Variants in GPC5 observed in about 807,000 individuals in gnomAD.
GPC5 encodes the protein glypican 5.
GPC5 carries 47 observed loss-of-function variants against 53.9 expected under a neutral mutation model. The observed-to-expected ratio is 0.87, with a 90% CI of 0.69 to 1.11. The LOEUF (loss-of-function observed/expected upper bound fraction) is 1.11. Among genes scored for constraint, GPC5 ranks in the 50% most tolerant of loss-of-function variants. The pLI is 0.00. For missense variants in GPC5, 748 were observed against 713.1 expected (o/e 1.05, Z -0.56); for synonymous variants, 286 against 263.3 (o/e 1.09, Z -0.84).
At chr13:92,174,287 C>T (rs887452013) in intron 7 of GPC5, among the ~76,000 whole-genome samples, 9 of 149,296 alleles carry the variant, frequency 6.0e-5, no homozygotes, top group African/African-American at 1.2e-4. Context: ...TTTGGGAGGC[C>T]GAGACAGGTG....
At chr13:91,791,941 C>G (rs1366796355) in intron 5 of GPC5, among the ~76,000 whole-genome samples, 1 of 152,130 alleles carries the variant, frequency 6.6e-6, no homozygotes, top group African/African-American at 2.4e-5. Flanking sequence ...TAATATGAAG[C>G]TTGATTCTAA....
intron 7 of GPC5, among the ~76,000 whole-genome samples, chr13:92,611,183 A>G (rs1884423481): frequency 6.6e-6 from 1 of 152,144 alleles, no homozygotes; most frequent in South Asian, 2.1e-4. Context: ...TAATTCTTAT[A>G]AACCAGGTAT....
intron 7 of GPC5, among the ~76,000 whole-genome samples, chr13:92,449,772 C>T (rs143571919): frequency 1.1e-3 from 163 of 150,562 alleles, no homozygotes; most frequent in Non-Finnish European, 2.0e-3. Flanking sequence ...ATAAACTTCA[C>T]ACAGATTCAT....
chr13:92,634,016 C>T (rs145583947), intron 7 of GPC5, among the ~76,000 whole-genome samples: 43 of 152,088 alleles, frequency 2.8e-4, no homozygotes, highest in African/African-American at 9.9e-4. Flanking sequence ...ATTTTGGTAT[C>T]TTTGGAGATA....
chr13:91,940,160 A>G lies in GPC5; in HGVS notation c.1401+32103A>G, dbSNP rs147871887. Among the ~76,000 whole-genome samples, 402 of 152,232 alleles carry G rather than the reference A, an allele frequency of 2.6e-3. 1 individual carries two copies. The highest frequency in any genetic ancestry group is 9.3e-3 in the African/African-American group (387 of 41,554). ...CTGGAAAATCCTAAGGAAAATCTCTAGTAGTCCATAGTGTCTATTGTTTCC... is the reference window on the plus strand; with the variant it reads ...CTGGAAAATCCTAAGGAAAATCTCTGGTAGTCCATAGTGTCTATTGTTTCC... On this transcript the variant is annotated intron_variant, in intron 6 of 7. Transcript: ENST00000377067.
At chr13:91,603,804 CATAG>C (rs1403323942) in intron 2 of GPC5, among the ~76,000 whole-genome samples, 2 of 152,000 alleles carry the variant, frequency 1.3e-5, no homozygotes, top group East Asian at 1.9e-4. Flanking sequence ...GATATAAATA[CATAG>C]ATAAAGATCT....
intron 7 of GPC5, among the ~76,000 whole-genome samples, chr13:92,385,557 C>T (rs1158369376): frequency 1.4e-5 from 2 of 142,980 alleles, no homozygotes; most frequent in African/African-American, 5.1e-5. Flanking sequence ...TACATATATG[C>T]ATATATACAT....
At chr13:92,831,153 T>C (rs1555316423) in intron 7 of GPC5, among the ~76,000 whole-genome samples, 1 of 152,164 alleles carries the variant, frequency 6.6e-6, no homozygotes, top group Non-Finnish European at 1.5e-5. Flanking sequence ...GTCGTATTCA[T>C]GGCTAGGCTT....
chr13:92,413,174 A>G (rs7333480), intron 7 of GPC5, among the ~76,000 whole-genome samples: 6,597 of 152,220 alleles, frequency 0.043, 200 homozygotes, highest in East Asian at 0.16. Flanking sequence ...AACCTTGATT[A>G]TATTTCACTC....
At chr13:91,724,380 T>C (rs769853578) in intron 3 of GPC5, among the ~76,000 whole-genome samples, 84 of 152,096 alleles carry the variant, frequency 5.5e-4, no homozygotes, top group Non-Finnish European at 1.3e-4. Flanking sequence ...TCCAAGGGAC[T>C]GTGAAGTGAG....
intron 6 of GPC5, among the ~76,000 whole-genome samples, chr13:91,974,393 C>A (rs1358536628): frequency 6.6e-6 from 1 of 152,082 alleles, no homozygotes; most frequent in African/African-American, 2.4e-5. Flanking sequence ...TCAAAATCTC[C>A]TTAAGCTGAT....
chr13:91,841,834 C>G (rs1187190972), intron 5 of GPC5, among the ~76,000 whole-genome samples: 1 of 152,248 alleles, frequency 6.6e-6, no homozygotes, highest in Non-Finnish European at 1.5e-5. Context: ...AGTCTTGGAG[C>G]ATATGGGCAG....
chr13:92,516,788 G>A (rs776702364), intron 7 of GPC5, among the ~76,000 whole-genome samples: 1 of 152,148 alleles, frequency 6.6e-6, no homozygotes, highest in Non-Finnish European at 1.5e-5. Context: ...ATTTCCAACT[G>A]AGGTACCAGG....
At chr13:91,464,099 G>A (rs1882094755) in intron 2 of GPC5, among the ~76,000 whole-genome samples, 1 of 152,042 alleles carries the variant, frequency 6.6e-6, no homozygotes, top group African/African-American at 2.4e-5. Flanking sequence ...TACAGAAGGG[G>A]TATGCAGATG....
chr13:92,346,267 A>C (rs974503872), intron 7 of GPC5, among the ~76,000 whole-genome samples: 1 of 152,166 alleles, frequency 6.6e-6, no homozygotes, highest in Non-Finnish European at 1.5e-5. Context: ...CTCAGAGCAC[A>C]GCCCTTAGCC....
intron 6 of GPC5, among the ~76,000 whole-genome samples, chr13:92,016,295 A>G (rs908145193): frequency 9.2e-5 from 14 of 152,218 alleles, no homozygotes; most frequent in Non-Finnish European, 1.2e-4. Context: ...CATGTTTTTC[A>G]TATATTATTT....
intron 5 of GPC5, among the ~76,000 whole-genome samples, chr13:91,789,946 A>G (rs980838122): frequency 5.3e-5 from 8 of 152,128 alleles, no homozygotes; most frequent in African/African-American, 1.9e-4. Context: ...ACAAGATACA[A>G]CCTGACTTTA....
intron 7 of GPC5, among the ~76,000 whole-genome samples, chr13:92,286,562 A>G (rs2042956281): frequency 6.6e-6 from 1 of 152,218 alleles, no homozygotes; most frequent in Non-Finnish European, 1.5e-5. Context: ...GCCATCAAAA[A>G]GAATGAGTTC....
At chr13:92,205,100 G>T (rs917402260) in intron 7 of GPC5, among the ~76,000 whole-genome samples, 1 of 152,074 alleles carries the variant, frequency 6.6e-6, no homozygotes, top group Non-Finnish European at 1.5e-5. Flanking sequence ...AGATGGTCTC[G>T]ATCTCCTGAC....
Sources: allele counts gnomAD v4.1 joint callset (sites outside exome capture counted in the v4.1 genomes callset), GRCh38; gene constraint gnomAD v4.1.1; transcripts MANE v1.5; gene names NCBI Gene and HGNC (gene_info 2026-07-23, HGNC 2026-07-21).